The following ADAMTS12 variants were observed in gnomAD, a reference collection of about 807,000 sequenced individuals.
ADAMTS12 encodes A disintegrin and metalloproteinase with thrombospondin motifs 12.
ADAMTS12 carries 118 observed loss-of-function variants against 167.8 expected under a neutral mutation model. The ratio of observed to expected loss-of-function variants is 0.70; its 90% CI spans 0.61 to 0.82. ADAMTS12 has a LOEUF of 0.82. ADAMTS12 is among the 40% of genes least tolerant of loss of function. The probability of loss-of-function intolerance (pLI) is 0.00; values close to 1 mark genes in which losing one functional copy is unlikely to be tolerated. For synonymous variants in ADAMTS12, 704 were observed against 716.9 expected (o/e 0.98, Z 0.29); for missense variants, 1,916 against 1,998.8 (o/e 0.96, Z 0.79).
At chr5:33,857,488 A>C (rs1017796942) in intron 2 of ADAMTS12, among the ~76,000 whole-genome samples, 1 of 152,118 alleles carries the variant, frequency 6.6e-6, no homozygotes, top group Non-Finnish European at 1.5e-5. Context: ...GATTCACTTG[A>C]CTGTGGTTAT....
chr5:33,751,896 T>C lies in ADAMTS12; in HGVS notation c.490-348A>G, dbSNP rs567949143. 1.3e-3 allele frequency among the ~76,000 whole-genome samples: 199 copies of C among 152,330 alleles called. 1 individual carries two copies. The highest frequency in any genetic ancestry group is 4.6e-3 in the African/African-American group (192 of 41,566). The stretch of plus-strand genomic sequence containing the variant: ...GGATCCCAAATGAAGACCCAGTGCT[T>C]CCCAGTTGTTCTATTATGGAGTTGG... On this transcript the variant is annotated intron_variant, in intron 2 of 23. Transcript: ENST00000504830.
chr5:33,793,980 A>C (rs964265293), intron 2 of ADAMTS12, among the ~76,000 whole-genome samples: 11 of 152,176 alleles, frequency 7.2e-5, no homozygotes, highest in African/African-American at 2.7e-4. Flanking sequence ...GTTCAGCTAG[A>C]GAATTCCTCC....
chr5:33,616,106 C>G, intron 14 of ADAMTS12, 34 bp from the exon 15 acceptor site: 2 of 1,608,296 alleles, frequency 1.2e-6, no homozygotes, highest in Non-Finnish European at 1.7e-6. Flanking sequence ...GAAAGAGGCA[C>G]GCCAGCTTCT....
intron 20 of ADAMTS12, among the ~76,000 whole-genome samples, chr5:33,560,247 G>A (rs939386983): frequency 1.1e-4 from 17 of 152,108 alleles, no homozygotes; most frequent in African/African-American, 4.1e-4. Context: ...CTATGGTAAT[G>A]CCCATGATTT....
At chr5:33,701,752 G>A (rs897591929) in intron 3 of ADAMTS12, among the ~76,000 whole-genome samples, 1 of 152,162 alleles carries the variant, frequency 6.6e-6, no homozygotes, top group Non-Finnish European at 1.5e-5. Context: ...CAGGTAGGGT[G>A]GACCCTCGTC....
intron 2 of ADAMTS12, among the ~76,000 whole-genome samples, chr5:33,836,573 G>A (rs958371054): frequency 1.3e-5 from 2 of 152,148 alleles, no homozygotes; most frequent in Non-Finnish European, 2.9e-5. Context: ...GCAGACAACG[G>A]GACCAAGGCA....
chr5:33,856,397 C>T (rs1579996089), intron 2 of ADAMTS12, among the ~76,000 whole-genome samples: 1 of 152,126 alleles, frequency 6.6e-6, no homozygotes, highest in South Asian at 2.1e-4. Context: ...TATAGTCACA[C>T]ATATTTGTGC....
At chr5:33,551,637 G>A (rs533367712) in intron 20 of ADAMTS12, among the ~76,000 whole-genome samples, 3 of 152,098 alleles carry the variant, frequency 2.0e-5, no homozygotes, top group Non-Finnish European at 4.4e-5. Flanking sequence ...TTTTCTATTT[G>A]TTGCTATAAT....
At position 33,692,554 on chromosome 5, in the gene ADAMTS12, A is replaced by G. The variant is rs374828811; in HGVS notation, c.635-8499T>C. Among the ~76,000 whole-genome samples the G allele has an allele frequency of 1.4e-4, 22 of 152,270 alleles. No individual in the cohort carries two copies. The South Asian group carries it at 3.9e-3, about 27-fold the overall frequency. Reference sequence around the variant, plus strand: ...CAGTAACAATATTTTAAATAAATCAATCTTATGTGGTATTTTCTGTCACCC... The same window carrying G: ...CAGTAACAATATTTTAAATAAATCAGTCTTATGTGGTATTTTCTGTCACCC... On this transcript the variant is annotated intron_variant, in intron 3 of 23. Transcript: ENST00000504830.
At position 33,835,982 on chromosome 5, in the gene ADAMTS12, G is replaced by A. The variant is rs955103615; in HGVS notation, c.489+45137C>T. On this transcript the variant is annotated intron_variant, in intron 2 of 23. Transcript: ENST00000504830. ...GTGTGTGTGTGTGTCCATCTGGGCA[G>A]TTTATGCTAAGACCCAAATAAGGGA... is the stretch of plus-strand genomic sequence containing the variant. Among the ~76,000 whole-genome samples the A allele has an allele frequency of 9.9e-4, 141 of 143,088 alleles. 7 individuals are homozygous for A. The highest frequency in any genetic ancestry group is 9.8e-3 in the Admixed American group (141 of 14,330). 93.9% of individuals were successfully genotyped at this position (143,088 alleles called of 152,430 possible). A position where few individuals can be genotyped will look rare whatever the true frequency, so the allele number is the denominator to read the frequency against.
intron 3 of ADAMTS12, among the ~76,000 whole-genome samples, chr5:33,688,239 T>A (rs537745375): frequency 1.6e-4 from 24 of 152,274 alleles, no homozygotes; most frequent in Non-Finnish European, 2.8e-4. Context: ...ATTCGATGAC[T>A]TTTTTCATTT....
intron 2 of ADAMTS12, among the ~76,000 whole-genome samples, chr5:33,841,070 T>A (rs1748728695): frequency 6.6e-6 from 1 of 152,076 alleles, no homozygotes; most frequent in Non-Finnish European, 1.5e-5. Context: ...CTTAGCTCTG[T>A]CTTGTCCCCC....
In ADAMTS12 at chr5:33,677,851, C is replaced by A. The variant is rs1015755277; in HGVS notation, c.915+5167G>T. 3.3e-5 allele frequency among the ~76,000 whole-genome samples: 5 copies of A among 152,252 alleles called. No homozygotes were observed. In the East Asian group the frequency reaches 9.6e-4, roughly 29 times the overall value. On this transcript the variant is annotated intron_variant, in intron 5 of 23. Coordinates refer to ENST00000504830, the MANE Select transcript of ADAMTS12 (RefSeq NM_030955.4). The stretch of plus-strand genomic sequence containing the variant: ...TATGACTATCTCGCCTATGAGAAAG[C>A]CTCCAAATTGTTCCAAAGTGAGTTT...
intron 2 of ADAMTS12, among the ~76,000 whole-genome samples, chr5:33,862,786 A>C (rs1166694755): frequency 2.0e-5 from 3 of 152,216 alleles, no homozygotes; most frequent in Admixed American, 6.5e-5. Flanking sequence ...TCAAGGCAAA[A>C]ATCTTCAATA....
At chr5:33,686,676 T>C (rs569520443) in intron 3 of ADAMTS12, among the ~76,000 whole-genome samples, 1 of 149,440 alleles carries the variant, frequency 6.7e-6, no homozygotes, top group East Asian at 2.0e-4. Context: ...AGTGTCCTTA[T>C]AAGGAAAGGA....
At chr5:33,548,300 T>A (rs1260380528) in intron 21 of ADAMTS12, among the ~76,000 whole-genome samples, 1 of 152,242 alleles carries the variant, frequency 6.6e-6, no homozygotes, top group Non-Finnish European at 1.5e-5. Flanking sequence ...TCTTTCTGGT[T>A]GTGAATGCCT....
intron 5 of ADAMTS12, among the ~76,000 whole-genome samples, chr5:33,662,614 G>A (rs1741297447): frequency 6.6e-6 from 1 of 152,212 alleles, no homozygotes; most frequent in Non-Finnish European, 1.5e-5. Flanking sequence ...GTAGGATGCT[G>A]TAGCAGATGC....
At chr5:33,678,652 T>C (rs1742004905) in intron 5 of ADAMTS12, among the ~76,000 whole-genome samples, 2 of 152,072 alleles carry the variant, frequency 1.3e-5, no homozygotes, top group Non-Finnish European at 2.9e-5. Context: ...AATAAGACTA[T>C]TGCTACCTCT....
At chr5:33,593,848 T>TA (rs1561153553) in intron 17 of ADAMTS12, among the ~76,000 whole-genome samples, 1 of 152,096 alleles carries the variant, frequency 6.6e-6, no homozygotes, top group African/African-American at 2.4e-5. Flanking sequence ...AAGTAAAATT[T>TA]AAAAAAAGAA....
Sources: gnomAD v4.1 joint callset for allele counts (sites outside exome capture counted in the v4.1 genomes callset) on GRCh38, gnomAD v4.1.1 for gene constraint, MANE v1.5 for transcripts, NCBI Gene and HGNC (gene_info 2026-07-23, HGNC 2026-07-21) for gene names.